The following WWOX variants were observed in gnomAD, a reference collection of about 807,000 sequenced individuals.
The protein encoded by WWOX is WW domain containing oxidoreductase.
A neutral mutation model predicts 46.2 loss-of-function variants in WWOX; 69 were observed. The observed-to-expected ratio is 1.49, with a 90% CI of 1.23 to 1.82. WWOX has a LOEUF of 1.82. WWOX is among the 40% of genes most tolerant of loss of function. WWOX has a pLI of 0.00. For synonymous variants in WWOX, 359 were observed against 202.6 expected (o/e 1.77, Z -6.56); for missense variants, 919 against 542.6 (o/e 1.69, Z -6.89).
chr16:78,526,745 A>G (rs1271899521), intron 8 of WWOX, among the ~76,000 whole-genome samples: 1 of 152,114 alleles, frequency 6.6e-6, no homozygotes, highest in Non-Finnish European at 1.5e-5. Flanking sequence ...CCAGGCCCCT[A>G]CTAGGAGTTG....
At chr16:78,627,915 G>C (rs1178771483) in intron 8 of WWOX, among the ~76,000 whole-genome samples, 3 of 152,232 alleles carry the variant, frequency 2.0e-5, no homozygotes, top group Admixed American at 2.0e-4. Context: ...GCCAGAACTT[G>C]TCTGGAATCT....
At chr16:79,039,642 G>A (rs552751193) in intron 8 of WWOX, among the ~76,000 whole-genome samples, 30 of 152,262 alleles carry the variant, frequency 2.0e-4, no homozygotes, top group Non-Finnish European at 3.5e-4. Context: ...CCGGCACCTC[G>A]GAAAGTAACT....
intron 8 of WWOX, among the ~76,000 whole-genome samples, chr16:79,192,936 G>C (rs2051166072): frequency 6.6e-6 from 1 of 152,164 alleles, no homozygotes; most frequent in Non-Finnish European, 1.5e-5. Context: ...TGAAGAAAAG[G>C]TGAATGAAGG....
intron 8 of WWOX, among the ~76,000 whole-genome samples, chr16:78,620,457 C>G (rs577028152): frequency 2.2e-4 from 33 of 152,138 alleles, no homozygotes; most frequent in Non-Finnish European, 4.1e-4. Context: ...GAAACTTGGT[C>G]CCTGGATGGG....
chr16:79,148,249 T>C (rs978026252), intron 8 of WWOX, among the ~76,000 whole-genome samples: 1 of 152,230 alleles, frequency 6.6e-6, no homozygotes, highest in Admixed American at 6.5e-5. Context: ...TTAATTTTTG[T>C]ATAAGATGTG....
chr16:78,721,281 T>G (rs1354837809), intron 8 of WWOX, among the ~76,000 whole-genome samples: 1 of 152,246 alleles, frequency 6.6e-6, no homozygotes, highest in East Asian at 1.9e-4. Context: ...ATGAACTACT[T>G]CTTTCCATTA....
intron 8 of WWOX, among the ~76,000 whole-genome samples, chr16:78,876,209 C>A (rs939153301): frequency 1.3e-5 from 2 of 148,154 alleles, no homozygotes; most frequent in Non-Finnish European, 3.0e-5. Context: ...TTTTTCCTTT[C>A]TTTTTTTTTT....
chr16:78,637,434 T>C (rs2046600044), intron 8 of WWOX, among the ~76,000 whole-genome samples: 1 of 141,568 alleles, frequency 7.1e-6, no homozygotes, highest in African/African-American at 2.8e-5. Flanking sequence ...AGAGTGAAAC[T>C]CTGTCTCAAA....
chr16:78,135,986 T>G (rs1282093989), intron 4 of WWOX, among the ~76,000 whole-genome samples: 1 of 152,224 alleles, frequency 6.6e-6, no homozygotes, highest in Non-Finnish European at 1.5e-5. Flanking sequence ...AAAATTATAT[T>G]AAAGTCCAAG....
chr16:79,097,775 T>TA (rs2150621598), intron 8 of WWOX, among the ~76,000 whole-genome samples: 1 of 152,228 alleles, frequency 6.6e-6, no homozygotes, highest in Admixed American at 6.5e-5. Context: ...CATAAGAGAG[T>TA]AGCGGGGCTG....
chr16:78,464,693 C>T (rs1052163020), intron 8 of WWOX, among the ~76,000 whole-genome samples: 6 of 152,114 alleles, frequency 3.9e-5, no homozygotes, highest in African/African-American at 7.2e-5. Context: ...TGCCCCCACC[C>T]GTGCAGCAAT....
intron 5 of WWOX, among the ~76,000 whole-genome samples, chr16:78,378,294 A>G (rs1175944878): frequency 6.6e-6 from 1 of 152,158 alleles, no homozygotes; most frequent in Non-Finnish European, 1.5e-5. Flanking sequence ...TGCGAATCCT[A>G]TCAGAAAGAA....
intron 8 of WWOX, among the ~76,000 whole-genome samples, chr16:79,172,273 A>C (rs781652756): frequency 6.6e-6 from 1 of 152,186 alleles, no homozygotes; most frequent in Non-Finnish European, 1.5e-5. Context: ...ACAGCTTTGC[A>C]TGGCACTTGG....
At position 78,874,493 on chromosome 16, in the gene WWOX, A is replaced by T. The variant is rs564243581; in HGVS notation, c.1057-337115A>T. Among the ~76,000 whole-genome samples the T allele has an allele frequency of 2.6e-5, 4 of 152,058 alleles. No individual in the cohort carries two copies. The East Asian group carries it at 7.8e-4, about 30-fold the overall frequency. ...AAAATTATGGACTTGTCTGAGCCTGATGTGGTGCCTGGCCAGGGCTCACTG... is the reference window on the plus strand; with the variant it reads ...AAAATTATGGACTTGTCTGAGCCTGTTGTGGTGCCTGGCCAGGGCTCACTG... On this transcript the variant is annotated intron_variant, in intron 8 of 8. Coordinates refer to ENST00000566780, the MANE Select transcript of WWOX (RefSeq NM_016373.4).
At chr16:78,374,846 G>A (rs1271700236) in intron 5 of WWOX, among the ~76,000 whole-genome samples, 3 of 151,926 alleles carry the variant, frequency 2.0e-5, no homozygotes, top group African/African-American at 4.8e-5. Flanking sequence ...CTCCGCACCC[G>A]GCCCTGTTTT....
intron 8 of WWOX, among the ~76,000 whole-genome samples, chr16:79,211,034 AGTGTGTGTGTGT>A (rs58334968): frequency 7.4e-5 from 11 of 149,602 alleles, no homozygotes; most frequent in African/African-American, 2.5e-4. Flanking sequence ...TATGGTGAGG[AGTGTGTGTGTGT>A]GTGTGTGTGT....
At chr16:78,846,495 A>G (rs910819731) in intron 8 of WWOX, among the ~76,000 whole-genome samples, 1 of 151,996 alleles carries the variant, frequency 6.6e-6, no homozygotes, top group Non-Finnish European at 1.5e-5. Context: ...AATGCCCGTA[A>G]TTTGGGTTTG....
chr16:78,507,538 G>A (rs2085241506), intron 8 of WWOX, among the ~76,000 whole-genome samples: 1 of 152,130 alleles, frequency 6.6e-6, no homozygotes, highest in East Asian at 1.9e-4. Flanking sequence ...CACGCAGAGA[G>A]ACCCACTGCA....
intron 5 of WWOX, among the ~76,000 whole-genome samples, chr16:78,198,631 T>C (rs1439379932): frequency 6.6e-6 from 1 of 152,212 alleles, no homozygotes; most frequent in Non-Finnish European, 1.5e-5. Context: ...TGCCACTTCT[T>C]CAGCTGTTGA....
Sources: gnomAD v4.1 joint callset for allele counts (sites outside exome capture counted in the v4.1 genomes callset) on GRCh38, gnomAD v4.1.1 for gene constraint, MANE v1.5 for transcripts, NCBI Gene and HGNC (gene_info 2026-07-23, HGNC 2026-07-21) for gene names.